DLGAP1: variants seen among roughly 807,000 people sequenced by gnomAD.
DLGAP1 encodes the protein disks large-associated protein 1.
A neutral mutation model predicts 90.8 loss-of-function variants in DLGAP1; 11 were observed. That is an observed-to-expected ratio of 0.12 (90% CI 0.08 to 0.20). The LOEUF (loss-of-function observed/expected upper bound fraction) is 0.20. Ranked by LOEUF, DLGAP1 falls within the 10% of genes least tolerant of loss-of-function variation. DLGAP1 has a pLI of 1.00. For synonymous variants in DLGAP1, 558 were observed against 540.7 expected (o/e 1.03, Z -0.44); for missense variants, 1,050 against 1,333.8 (o/e 0.79, Z 3.31).
At chr18:3,965,251 A>G (rs7239044) in intron 3 of DLGAP1, among the ~76,000 whole-genome samples, 9,863 of 152,288 alleles carry the variant, frequency 0.065, 438 homozygotes, top group African/African-American at 0.12. Flanking sequence ...TTCTTAAGTT[A>G]AAGTGAAGGA....
intron 10 of DLGAP1, among the ~76,000 whole-genome samples, chr18:3,519,635 A>T (rs978425544): frequency 2.0e-5 from 3 of 152,202 alleles, no homozygotes; most frequent in African/African-American, 7.2e-5. Flanking sequence ...GAGGTGATTA[A>T]GTCATGAGAG....
chr18:3,605,078 G>A (rs1456299222), intron 7 of DLGAP1, among the ~76,000 whole-genome samples: 1 of 152,170 alleles, frequency 6.6e-6, no homozygotes, highest in East Asian at 1.9e-4. Context: ...GGTCCTGTCA[G>A]TCTGCAGTTT....
intron 3 of DLGAP1, among the ~76,000 whole-genome samples, chr18:3,882,526 CAAA>C (rs111965129): frequency 5.3e-5 from 6 of 113,720 alleles, no homozygotes; most frequent in Non-Finnish European, 5.5e-5. Context: ...GACCCTGTCT[CAAA>C]AAAAAAAAAA....
At chr18:3,705,511 G>C (rs991242444) in intron 7 of DLGAP1, among the ~76,000 whole-genome samples, 8 of 151,586 alleles carry the variant, frequency 5.3e-5, no homozygotes, top group African/African-American at 1.9e-4. Context: ...TTCATAAAAG[G>C]CTACTCTGCC....
intron 1 of DLGAP1, among the ~76,000 whole-genome samples, chr18:4,448,505 T>C (rs1274069843): frequency 1.3e-5 from 2 of 152,136 alleles, no homozygotes; most frequent in Non-Finnish European, 2.9e-5. Flanking sequence ...CAATTATCTA[T>C]AAAGCACATG....
chr18:4,420,013 T>C (rs767023598), intron 1 of DLGAP1, among the ~76,000 whole-genome samples: 21 of 152,096 alleles, frequency 1.4e-4, no homozygotes, highest in Non-Finnish European at 2.6e-4. Flanking sequence ...AGTTAAAGCA[T>C]GGAAACACTA....
intron 10 of DLGAP1, among the ~76,000 whole-genome samples, chr18:3,530,713 G>A (rs1444936317): frequency 6.6e-6 from 1 of 152,170 alleles, no homozygotes; most frequent in African/African-American, 2.4e-5. Context: ...TGTCACCAGG[G>A]CAAAGACCTA....
intron 1 of DLGAP1, among the ~76,000 whole-genome samples, chr18:4,173,872 T>C (rs1353777919): frequency 6.6e-6 from 1 of 152,202 alleles, no homozygotes; most frequent in Non-Finnish European, 1.5e-5. Flanking sequence ...GACCCATTAT[T>C]GCACCCGGTT....
At chr18:3,844,684 C>T (rs1270912944) in intron 4 of DLGAP1, among the ~76,000 whole-genome samples, 1 of 152,058 alleles carries the variant, frequency 6.6e-6, no homozygotes, top group Non-Finnish European at 1.5e-5. Flanking sequence ...TTTAAAAATC[C>T]AATTTTACAA....
chr18:4,058,521 G>A (rs773434264), intron 2 of DLGAP1, among the ~76,000 whole-genome samples: 7 of 152,088 alleles, frequency 4.6e-5, no homozygotes, highest in Admixed American at 6.5e-5. Flanking sequence ...TAAGGGCCCT[G>A]CCTACTTGCT....
At chr18:3,540,391 A>G (rs1183528070) in intron 9 of DLGAP1, among the ~76,000 whole-genome samples, 3 of 147,874 alleles carry the variant, frequency 2.0e-5, no homozygotes, top group African/African-American at 7.6e-5. Flanking sequence ...GGCTTGAAGA[A>G]CCCGGGAGGC....
intron 7 of DLGAP1, among the ~76,000 whole-genome samples, chr18:3,658,208 A>T (rs192786411): frequency 6.6e-6 from 1 of 152,318 alleles, no homozygotes; most frequent in Non-Finnish European, 1.5e-5. Context: ...ATGTAACCTC[A>T]AGAGCATGGA....
chr18:3,509,706 A>C (rs2050433777), intron 10 of DLGAP1, among the ~76,000 whole-genome samples: 1 of 152,214 alleles, frequency 6.6e-6, no homozygotes, highest in Non-Finnish European at 1.5e-5. Flanking sequence ...ACCCGAGTGG[A>C]ATAAGCCTTT....
chr18:4,131,378 A>G (rs907482500), intron 2 of DLGAP1, among the ~76,000 whole-genome samples: 2 of 152,214 alleles, frequency 1.3e-5, no homozygotes, highest in African/African-American at 4.8e-5. Context: ...CATGCGAAGA[A>G]CTGTAATACT....
intron 3 of DLGAP1, among the ~76,000 whole-genome samples, chr18:3,920,674 G>A (rs1244505765): frequency 1.3e-5 from 2 of 151,978 alleles, no homozygotes; most frequent in African/African-American, 2.4e-5. Context: ...CTCCCACTCC[G>A]CTCCACCCAA....
intron 3 of DLGAP1, among the ~76,000 whole-genome samples, chr18:3,969,688 AT>A (rs1357496015): frequency 6.6e-6 from 1 of 152,168 alleles, no homozygotes; most frequent in African/African-American, 2.4e-5. Flanking sequence ...TCAGTATTTT[AT>A]TTTAGTAGTG....
chr18:3,758,008 C>T (rs998684881), intron 5 of DLGAP1, among the ~76,000 whole-genome samples: 12 of 149,554 alleles, frequency 8.0e-5, no homozygotes, highest in African/African-American at 2.5e-4. Flanking sequence ...CCTAGCTACT[C>T]GGGAGGCTGA....
chr18:3,601,760 G>T (rs910322747), intron 7 of DLGAP1, among the ~76,000 whole-genome samples: 2 of 149,704 alleles, frequency 1.3e-5, no homozygotes, highest in Non-Finnish European at 2.9e-5. Flanking sequence ...CAGGAGAATC[G>T]CTTGAACCAA....
At chr18:4,366,725 A>G (rs12709602) in intron 1 of DLGAP1, among the ~76,000 whole-genome samples, 15,256 of 151,916 alleles carry the variant, frequency 0.1, 790 homozygotes, top group African/African-American at 0.13. Context: ...AAATCTCACT[A>G]TAGGTAAGAG....
Sources: gnomAD v4.1 joint callset for allele counts (sites outside exome capture counted in the v4.1 genomes callset) on GRCh38, gnomAD v4.1.1 for gene constraint, MANE v1.5 for transcripts, NCBI Gene and HGNC (gene_info 2026-07-23, HGNC 2026-07-21) for gene names.